SCFD2: variants seen among roughly 807,000 people sequenced by gnomAD.
The protein encoded by SCFD2 is sec1 family domain-containing protein 2.
In SCFD2, 54 loss-of-function variants were observed where a neutral mutation model predicts 58.9. The ratio of observed to expected loss-of-function variants is 0.92; its 90% CI spans 0.74 to 1.15. The LOEUF is 1.15. Ranked by LOEUF, SCFD2 falls within the 50% of genes most tolerant of loss-of-function variation. The pLI, the probability that SCFD2 is intolerant of heterozygous loss-of-function variation, is 0.00. For missense variants in SCFD2, 805 were observed against 836.6 expected, an observed-to-expected ratio of 0.96 and a Z score of 0.47; for synonymous variants, 321 against 335.9, an observed-to-expected ratio of 0.96 and a Z score of 0.49.
intron 4 of SCFD2, among the ~76,000 whole-genome samples, chr4:53,254,904 G>C (rs539081573): frequency 1.4e-5 from 2 of 144,374 alleles, no homozygotes; most frequent in Admixed American, 1.4e-4. Flanking sequence ...ATGGAGTCTC[G>C]CTCTGTCACC....
chr4:53,308,997 G>T (rs968721308), intron 3 of SCFD2, among the ~76,000 whole-genome samples: 3 of 152,064 alleles, frequency 2.0e-5, no homozygotes, highest in Admixed American at 6.6e-5. Flanking sequence ...GCCGGGCATG[G>T]TGGCATGGGC....
chr4:52,965,808 A>T (rs777571491), intron 5 of SCFD2, among the ~76,000 whole-genome samples: 9 of 152,230 alleles, frequency 5.9e-5, no homozygotes, highest in Non-Finnish European at 1.3e-4. Context: ...TCATTCTTTC[A>T]TAGTCATAAT....
intron 4 of SCFD2, among the ~76,000 whole-genome samples, chr4:53,230,893 T>C (rs1372053113): frequency 6.6e-6 from 1 of 152,116 alleles, no homozygotes; most frequent in Non-Finnish European, 1.5e-5. Context: ...TCACTAACTA[T>C]AAAGAACTAT....
chr4:53,137,827 G>A (rs1426698941), intron 5 of SCFD2, among the ~76,000 whole-genome samples: 2 of 152,120 alleles, frequency 1.3e-5, no homozygotes, highest in Non-Finnish European at 2.9e-5. Context: ...TTAAAGTCTT[G>A]TTTTCCTTTG....
chr4:53,252,310 C>T (rs1457534071), intron 4 of SCFD2, among the ~76,000 whole-genome samples: 2 of 149,458 alleles, frequency 1.3e-5, no homozygotes, highest in African/African-American at 4.9e-5. Flanking sequence ...CCATACTGCC[C>T]AAGGTAATTT....
chr4:53,312,552 CATT>C (rs1203181539), intron 3 of SCFD2, among the ~76,000 whole-genome samples: 1 of 152,192 alleles, frequency 6.6e-6, no homozygotes, highest in Non-Finnish European at 1.5e-5. Flanking sequence ...TTCTTATCAT[CATT>C]ATGTTCCTTG....
chr4:53,286,382 T>C (rs1170778201), intron 3 of SCFD2, among the ~76,000 whole-genome samples: 3 of 151,186 alleles, frequency 2.0e-5, no homozygotes, highest in Admixed American at 2.0e-4. Flanking sequence ...CCCAGCAGAG[T>C]AGGTATATGT....
At chr4:53,237,749 G>A (rs1462822972) in intron 4 of SCFD2, among the ~76,000 whole-genome samples, 211 of 91,404 alleles carry the variant, frequency 2.3e-3, no homozygotes, top group Non-Finnish European at 2.6e-3. Flanking sequence ...CTCCCGGACG[G>A]GGCGGCTGGC....
At chr4:53,072,096 C>T (rs1384309666) in intron 5 of SCFD2, among the ~76,000 whole-genome samples, 2 of 152,078 alleles carry the variant, frequency 1.3e-5, no homozygotes, top group African/African-American at 4.8e-5. Flanking sequence ...AAAATTGCTT[C>T]TCTGGTGGAT....
intron 5 of SCFD2, among the ~76,000 whole-genome samples, chr4:53,116,443 A>C (rs1205548672): frequency 6.6e-6 from 1 of 152,202 alleles, no homozygotes; most frequent in Admixed American, 6.5e-5. Flanking sequence ...GAAGTGCCAC[A>C]TGCCTCTTAT....
intron 2 of SCFD2, among the ~76,000 whole-genome samples, chr4:53,334,593 G>T (rs185918843): frequency 0.044 from 6,267 of 143,742 alleles, 174 homozygotes; most frequent in Non-Finnish European, 0.067. Flanking sequence ...ACACTCTGGG[G>T]ACTGTGGTGG....
At chr4:53,227,987 A>C (rs76021594) in intron 4 of SCFD2, among the ~76,000 whole-genome samples, 2,778 of 152,278 alleles carry the variant, frequency 0.018, 93 homozygotes, top group African/African-American at 0.063. Context: ...CTTTGGAGTC[A>C]GGCAGAGACA....
At chr4:53,132,652 G>A (rs1725817240) in intron 5 of SCFD2, among the ~76,000 whole-genome samples, 1 of 152,184 alleles carries the variant, frequency 6.6e-6, no homozygotes, top group Admixed American at 6.5e-5. Context: ...CTTTAGCTGA[G>A]TGGGTGGATT....
intron 4 of SCFD2, among the ~76,000 whole-genome samples, chr4:53,238,234 T>C (rs1729739558): frequency 9.5e-6 from 1 of 105,222 alleles, no homozygotes; most frequent in African/African-American, 3.7e-5. Context: ...GAGGGGCTCC[T>C]CACTTCCCAG....
intron 5 of SCFD2, among the ~76,000 whole-genome samples, chr4:53,017,264 A>G (rs1235896039): frequency 6.6e-6 from 1 of 152,238 alleles, no homozygotes; most frequent in East Asian, 1.9e-4. Context: ...ATGCAATGGT[A>G]CCACATATTT....
chr4:52,875,427 G>A (rs116313780), intron 8 of SCFD2, among the ~76,000 whole-genome samples: 1 of 139,476 alleles, frequency 7.2e-6, no homozygotes, highest in Non-Finnish European at 1.5e-5. Context: ...GGGAAAAGCT[G>A]TCCTAGAGCC....
intron 4 of SCFD2, among the ~76,000 whole-genome samples, chr4:53,247,456 A>G (rs1486074224): frequency 6.6e-6 from 1 of 152,258 alleles, no homozygotes; most frequent in East Asian, 1.9e-4. Flanking sequence ...TCATTGCACT[A>G]TTATTCACAA....
chr4:53,209,041 T>C (rs1218920416), intron 4 of SCFD2, among the ~76,000 whole-genome samples: 6 of 152,036 alleles, frequency 3.9e-5, no homozygotes, highest in African/African-American at 9.7e-5. Flanking sequence ...TTGCCTGAGT[T>C]TGAAGGAGTT....
chr4:53,243,752 C>T (rs1173069484), intron 4 of SCFD2, among the ~76,000 whole-genome samples: 1 of 151,502 alleles, frequency 6.6e-6, no homozygotes, highest in South Asian at 2.1e-4. Context: ...AGAGACCCAT[C>T]TCACATGTGA....
Sources: allele counts gnomAD v4.1 joint callset (sites outside exome capture counted in the v4.1 genomes callset), GRCh38; gene constraint gnomAD v4.1.1; transcripts MANE v1.5; gene names NCBI Gene and HGNC (gene_info 2026-07-23, HGNC 2026-07-21).